Variants in CNTN4 observed in about 807,000 individuals in gnomAD.
CNTN4 encodes the protein contactin 4.
Under a neutral mutation model 122.5 loss-of-function variants are expected in CNTN4, and 77 were observed. The ratio of observed to expected loss-of-function variants is 0.63; its 90% CI spans 0.52 to 0.76. CNTN4 has a LOEUF of 0.76. CNTN4 is among the 30% of genes least tolerant of loss of function. The pLI, the probability that CNTN4 is intolerant of heterozygous loss-of-function variation, is 0.00. For synonymous variants in CNTN4, 512 were observed against 447.0 expected (o/e 1.15, Z -1.83); for missense variants, 1,256 against 1,259.1 (o/e 1.00, Z 0.04).
intron 23 of CNTN4, among the ~76,000 whole-genome samples, chr3:3,044,662 G>C (rs1700459880): frequency 6.6e-6 from 1 of 152,210 alleles, no homozygotes; most frequent in Non-Finnish European, 1.5e-5. Flanking sequence ...AACAGCTCCA[G>C]TCTATAGCTC....
intron 2 of CNTN4, among the ~76,000 whole-genome samples, chr3:2,192,537 T>C (rs2037627131): frequency 6.6e-6 from 1 of 152,120 alleles, no homozygotes; most frequent in African/African-American, 2.4e-5. Flanking sequence ...AATCTACTCA[T>C]CTGACAAAGG....
At chr3:2,623,400 G>A (rs868287041) in intron 4 of CNTN4, among the ~76,000 whole-genome samples, 6 of 152,062 alleles carry the variant, frequency 3.9e-5, no homozygotes, top group Non-Finnish European at 7.4e-5. Flanking sequence ...GGTGGTAGGC[G>A]ATTAATCCTT....
At chr3:2,364,226 G>A (rs1247559117) in intron 3 of CNTN4, among the ~76,000 whole-genome samples, 1 of 152,022 alleles carries the variant, frequency 6.6e-6, no homozygotes, top group Non-Finnish European at 1.5e-5. Context: ...CCTCTGATTC[G>A]CTGAGACATT....
intron 2 of CNTN4, among the ~76,000 whole-genome samples, chr3:2,131,306 G>T (rs1315481482): frequency 6.6e-6 from 1 of 152,118 alleles, no homozygotes; most frequent in Non-Finnish European, 1.5e-5. Context: ...CTCGTATTCA[G>T]TGTCTCTGAT....
At chr3:2,954,978 A>C (rs1045897463) in intron 13 of CNTN4, among the ~76,000 whole-genome samples, 8 of 152,016 alleles carry the variant, frequency 5.3e-5, no homozygotes, top group Admixed American at 2.0e-4. Flanking sequence ...CACCACCCCA[A>C]TCACCTAGAA....
chr3:2,655,817 C>T lies in CNTN4; in HGVS notation c.56-80398C>T, dbSNP rs529585031. On this transcript the variant is annotated intron_variant, in intron 4 of 24. Coordinates refer to ENST00000418658, the MANE Select transcript of CNTN4 (RefSeq NM_175607.3). ...AATGAAACAAACATGGAAATCACTGCGGGATTACCAAGACTGTTTTGACTT... is the reference window on the plus strand; with the variant it reads ...AATGAAACAAACATGGAAATCACTGTGGGATTACCAAGACTGTTTTGACTT... Among the ~76,000 whole-genome samples, 6 of 152,206 alleles carry T rather than the reference C, an allele frequency of 3.9e-5. No homozygotes were observed. The East Asian group carries it at 9.7e-4, about 24-fold the overall frequency.
intron 2 of CNTN4, among the ~76,000 whole-genome samples, chr3:2,125,923 GTGTGTA>G (rs1553570978): frequency 2.0e-4 from 30 of 150,792 alleles, no homozygotes; most frequent in African/African-American, 6.9e-4. Context: ...GTGTGTGTGT[GTGTGTA>G]TGTGTGTATG....
intron 2 of CNTN4, among the ~76,000 whole-genome samples, chr3:2,276,988 G>T (rs1283312546): frequency 6.6e-6 from 1 of 152,054 alleles, no homozygotes; most frequent in East Asian, 1.9e-4. Flanking sequence ...TATGCCACAG[G>T]ATGGCTCAGG....
At chr3:2,151,203 G>A (rs1006852916) in intron 2 of CNTN4, among the ~76,000 whole-genome samples, 1 of 152,162 alleles carries the variant, frequency 6.6e-6, no homozygotes, top group African/African-American at 2.4e-5. Context: ...GGGATTACAG[G>A]CATGAGCCAC....
intron 2 of CNTN4, among the ~76,000 whole-genome samples, chr3:2,297,662 G>C (rs559255764): frequency 2.0e-5 from 3 of 152,190 alleles, no homozygotes; most frequent in East Asian, 3.9e-4. Context: ...CATGCGACCA[G>C]AGGTTTTTGA....
chr3:2,800,201 A>T (rs2092314903), intron 6 of CNTN4, among the ~76,000 whole-genome samples: 1 of 151,642 alleles, frequency 6.6e-6, no homozygotes, highest in Non-Finnish European at 1.5e-5. Flanking sequence ...TTTTGATAGG[A>T]ATTGCATTGA....
intron 5 of CNTN4, among the ~76,000 whole-genome samples, chr3:2,744,190 G>T (rs2089629076): frequency 6.6e-6 from 1 of 152,194 alleles, no homozygotes; most frequent in Non-Finnish European, 1.5e-5. Flanking sequence ...TGGCTTTGAA[G>T]TGGGACAGAG....
intron 14 of CNTN4, chr3:2,998,955 T>C (rs952398745): frequency 1.3e-5 from 2 of 152,262 alleles, no homozygotes; most frequent in African/African-American, 2.4e-5. Context: ...TTTAAAATTA[T>C]GTTGTAATTA....
intron 2 of CNTN4, among the ~76,000 whole-genome samples, chr3:2,302,942 T>C (rs1168090135): frequency 6.6e-6 from 1 of 152,194 alleles, no homozygotes; most frequent in Non-Finnish European, 1.5e-5. Context: ...TCAATATGTT[T>C]TGTATAATGG....
At position 2,339,721 on chromosome 3, in the gene CNTN4, TAATAA is replaced by T. The variant is rs2044109360; in HGVS notation, c.-89+493_-89+497del. 2.6e-5 allele frequency among the ~76,000 whole-genome samples: 4 copies of T among 151,930 alleles called. No homozygotes were observed. The South Asian group carries it at 8.3e-4, about 32-fold the overall frequency. ...CTACAATGTATGCAAATTTTTTCCT[TAATAA>T]AATATATAGATGTAAAACAGTAAAA... is the stretch of plus-strand genomic sequence containing the variant. On this transcript the variant is annotated intron_variant, in intron 3 of 24. Coordinates refer to ENST00000418658, the MANE Select transcript of CNTN4 (RefSeq NM_175607.3).
At chr3:2,860,857 C>T (rs577949031) in intron 7 of CNTN4, among the ~76,000 whole-genome samples, 1 of 152,300 alleles carries the variant, frequency 6.6e-6, no homozygotes, top group South Asian at 2.1e-4. Flanking sequence ...AAACCAAACA[C>T]TCTTGCCTTC....
intron 2 of CNTN4, among the ~76,000 whole-genome samples, chr3:2,159,488 G>T (rs1027196109): frequency 5.3e-5 from 8 of 152,138 alleles, no homozygotes; most frequent in African/African-American, 1.9e-4. Context: ...AGGGGTCTCT[G>T]AGCATTGGGA....
At chr3:2,324,524 G>A (rs551001536) in intron 2 of CNTN4, among the ~76,000 whole-genome samples, 6 of 152,060 alleles carry the variant, frequency 3.9e-5, no homozygotes, top group East Asian at 1.9e-4. Flanking sequence ...AGGACTCTTG[G>A]TTTCAGTTTT....
chr3:2,451,282 C>A (rs1181005206), intron 3 of CNTN4, among the ~76,000 whole-genome samples: 1 of 151,910 alleles, frequency 6.6e-6, no homozygotes. Context: ...ACATTACTAG[C>A]ACTCTAAAAT....
Sources: gnomAD v4.1 joint callset for allele counts (sites outside exome capture counted in the v4.1 genomes callset) on GRCh38, gnomAD v4.1.1 for gene constraint, MANE v1.5 for transcripts, NCBI Gene and HGNC (gene_info 2026-07-23, HGNC 2026-07-21) for gene names.